SLIT3: variants seen among roughly 807,000 people sequenced by gnomAD.
SLIT3 encodes slit guidance ligand 3, also known as slit homolog 3 protein.
Under a neutral mutation model 184.0 loss-of-function variants are expected in SLIT3, and 68 were observed. The observed-to-expected ratio is 0.37, with a 90% confidence interval of 0.30 to 0.45. The LOEUF is 0.45. SLIT3 is among the 20% of genes least tolerant of loss of function. The probability of loss-of-function intolerance (pLI) is 1.00; values close to 1 mark genes in which losing one functional copy is unlikely to be tolerated. For missense variants in SLIT3, 1,707 were observed against 2,026.0 expected (o/e 0.84, Z 3.02); for synonymous variants, 831 against 828.6 (o/e 1.00, Z -0.05).
At chr5:169,098,879 T>G (rs76079115) in intron 4 of SLIT3, among the ~76,000 whole-genome samples, 1 of 152,058 alleles carries the variant, frequency 6.6e-6, no homozygotes, top group Admixed American at 6.6e-5. Flanking sequence ...TGATTACATC[T>G]CCAGCACAGC....
At chr5:168,910,921 T>C (rs150697335) in intron 4 of SLIT3, among the ~76,000 whole-genome samples, 225 of 152,256 alleles carry the variant, frequency 1.5e-3, no homozygotes, top group African/African-American at 5.2e-3. Flanking sequence ...TCCCATGAGA[T>C]TGGCATGGAA....
rs1169612059 is a variant in SLIT3, at chr5:168,725,439, C to G, written c.2271-955G>C. On this transcript the variant is annotated intron_variant, in intron 20 of 35. Transcript: ENST00000519560. Reference sequence around the variant, plus strand: ...TCCAGGCTTTCTGTTGCTCTCAGGACAAAGCTGAAGAACATTTAAGATGGC... The same window carrying G: ...TCCAGGCTTTCTGTTGCTCTCAGGAGAAAGCTGAAGAACATTTAAGATGGC... 2.6e-5 allele frequency among the ~76,000 whole-genome samples: 4 copies of G among 152,202 alleles called. 1 individual carries two copies. Among genetic ancestry groups the G allele is most frequent in the Non-Finnish European group, 5.9e-5 (4 of 68,044 alleles).
chr5:168,888,357 G>A (rs1760301148), intron 4 of SLIT3, among the ~76,000 whole-genome samples: 1 of 152,226 alleles, frequency 6.6e-6, no homozygotes, highest in African/African-American at 2.4e-5. Flanking sequence ...GGTGACTCCA[G>A]CAACCCAAGG....
At chr5:169,001,030 T>C (rs556896854) in intron 4 of SLIT3, among the ~76,000 whole-genome samples, 1 of 152,364 alleles carries the variant, frequency 6.6e-6, no homozygotes, top group Admixed American at 6.5e-5. Context: ...AGTTGTGATA[T>C]GACAGAGGGA....
chr5:169,165,379 C>G (rs1762604027), intron 4 of SLIT3, among the ~76,000 whole-genome samples: 1 of 152,212 alleles, frequency 6.6e-6, no homozygotes, highest in Non-Finnish European at 1.5e-5. Flanking sequence ...TTCTGCGTAT[C>G]TTGAAAATGC....
intron 8 of SLIT3, among the ~76,000 whole-genome samples, chr5:168,812,239 G>A (rs943485484): frequency 1.3e-5 from 2 of 152,196 alleles, no homozygotes; most frequent in Non-Finnish European, 2.9e-5. Context: ...AGACTGATCC[G>A]CATGTATGAA....
chr5:169,274,996 G>A (rs906296874), intron 1 of SLIT3, among the ~76,000 whole-genome samples: 2 of 152,300 alleles, frequency 1.3e-5, no homozygotes, highest in East Asian at 1.9e-4. Context: ...ATCTATAAAC[G>A]TTAGCGCTTT....
chr5:169,003,849 C>CTTTG (rs1755811414), intron 4 of SLIT3, among the ~76,000 whole-genome samples: 1 of 151,944 alleles, frequency 6.6e-6, no homozygotes, highest in Non-Finnish European at 1.5e-5. Flanking sequence ...GCTAAACAGG[C>CTTTG]TTTGACATGG....
chr5:168,778,305 C>G (rs1221858881), intron 12 of SLIT3, among the ~76,000 whole-genome samples: 1 of 152,190 alleles, frequency 6.6e-6, no homozygotes, highest in Non-Finnish European at 1.5e-5. Context: ...ACCAAGGTCC[C>G]CCAGCAATAA....
In SLIT3 at chr5:169,192,423, C is replaced by CTGTGTGTGTGTGTG. The variant is rs3038088; in HGVS notation, c.413+1042_413+1055dup. Among the ~76,000 whole-genome samples the CTGTGTGTGTGTGTG allele has an allele frequency of 2.3e-4, 34 of 148,278 alleles. No individual in the cohort carries two copies. In the East Asian group the frequency reaches 2.6e-3, roughly 11 times the overall value. On this transcript the variant is annotated intron_variant, in intron 4 of 35. Transcript: ENST00000519560. ...TAAAATAAATTTATGTATATAGTCT[C>CTGTGTGTGTGTGTG]TGTGTGTGTGTGTGTGTGTGTGTGT...
At chr5:169,015,935 C>T (rs1756347358) in intron 4 of SLIT3, among the ~76,000 whole-genome samples, 1 of 35,854 alleles carries the variant, frequency 2.8e-5, no homozygotes, top group Non-Finnish European at 5.0e-5. Flanking sequence ...AATATAAACA[C>T]ACACACACAC....
chr5:168,768,087 C>A, intron 14 of SLIT3: 1 of 412,636 alleles, frequency 2.4e-6, no homozygotes, highest in South Asian at 1.8e-5. Flanking sequence ...TGGTGGGCTG[C>A]GGTGCTCCAG....
At chr5:168,973,846 A>G (rs1277766164) in intron 4 of SLIT3, among the ~76,000 whole-genome samples, 1 of 152,210 alleles carries the variant, frequency 6.6e-6, no homozygotes, top group Non-Finnish European at 1.5e-5. Context: ...CTTAAATATT[A>G]GCTAATTTCA....
intron 4 of SLIT3, among the ~76,000 whole-genome samples, chr5:168,918,540 G>A (rs1007495142): frequency 3.3e-5 from 5 of 152,186 alleles, no homozygotes; most frequent in East Asian, 3.9e-4. Context: ...TTGTGAACCC[G>A]ATTTGTGTTT....
At chr5:168,789,490 T>A in intron 11 of SLIT3, 70 bp downstream of exon 11, 1 of 1,178,914 alleles carries the variant, frequency 8.5e-7, no homozygotes, top group Middle Eastern at 2.0e-4. Flanking sequence ...CTGAGAAATA[T>A]GGTTGCGTCT....
intron 4 of SLIT3, among the ~76,000 whole-genome samples, chr5:169,029,236 T>C (rs1165319673): frequency 1.3e-5 from 2 of 152,220 alleles, no homozygotes; most frequent in African/African-American, 2.4e-5. Context: ...TTCTGAGTGA[T>C]TGCACCACTT....
At chr5:168,788,263 C>T (rs1240549589) in intron 11 of SLIT3, among the ~76,000 whole-genome samples, 1 of 152,156 alleles carries the variant, frequency 6.6e-6, no homozygotes, top group African/African-American at 2.4e-5. Context: ...ATGGTCCCAT[C>T]TTTGATATCC....
chr5:169,050,243 A>G (rs1318230752), intron 4 of SLIT3, among the ~76,000 whole-genome samples: 1 of 152,210 alleles, frequency 6.6e-6, no homozygotes, highest in East Asian at 1.9e-4. Flanking sequence ...GGAATGCAGC[A>G]CTGTATCTCC....
chr5:168,889,876 G>A (rs1239803012), intron 4 of SLIT3, among the ~76,000 whole-genome samples: 4 of 152,120 alleles, frequency 2.6e-5, no homozygotes, highest in Admixed American at 6.5e-5. Flanking sequence ...ATGGGTGGCC[G>A]CTCATGCCTG....
Sources: gnomAD v4.1 joint callset for allele counts (sites outside exome capture counted in the v4.1 genomes callset) on GRCh38, gnomAD v4.1.1 for gene constraint, MANE v1.5 for transcripts, NCBI Gene and HGNC (gene_info 2026-07-23, HGNC 2026-07-21) for gene names.